SNTG2: variants seen among roughly 807,000 people sequenced by gnomAD.
SNTG2 encodes gamma-2-syntrophin.
In SNTG2, 74 loss-of-function variants were observed where a neutral mutation model predicts 70.9. That is an observed-to-expected ratio of 1.04 (90% confidence interval 0.86 to 1.27). SNTG2 has a LOEUF of 1.27. Among genes scored for constraint, SNTG2 ranks in the 50% most tolerant of loss-of-function variants. SNTG2 has a pLI of 0.00. For synonymous variants in SNTG2, 278 were observed against 273.8 expected (o/e 1.02, Z -0.15); for missense variants, 717 against 690.7 (o/e 1.04, Z -0.43).
At chr2:959,931 C>T (rs1260524754) in intron 1 of SNTG2, among the ~76,000 whole-genome samples, 1 of 152,006 alleles carries the variant, frequency 6.6e-6, no homozygotes, top group Non-Finnish European at 1.5e-5. Context: ...TATCTAGCAG[C>T]TCATAGATTT....
chr2:1,084,948 A>G (rs1664583440), intron 2 of SNTG2, among the ~76,000 whole-genome samples: 1 of 152,140 alleles, frequency 6.6e-6, no homozygotes, highest in Admixed American at 6.5e-5. Flanking sequence ...CCCCGGCACC[A>G]CTGCCCTGGG....
intron 16 of SNTG2, among the ~76,000 whole-genome samples, chr2:1,318,619 C>T (rs543877462): frequency 4.1e-4 from 63 of 152,346 alleles, no homozygotes; most frequent in African/African-American, 1.5e-3. Context: ...ATCCTGGGGT[C>T]GTCAGCCACC....
At chr2:1,060,180 G>A (rs1443500941) in intron 1 of SNTG2, among the ~76,000 whole-genome samples, 4 of 152,110 alleles carry the variant, frequency 2.6e-5, no homozygotes, top group Non-Finnish European at 4.4e-5. Context: ...TTTGATAAAT[G>A]TAATTACACT....
intron 8 of SNTG2, among the ~76,000 whole-genome samples, chr2:1,197,523 G>GTATATA (rs1553353460): frequency 2.2e-4 from 21 of 97,640 alleles, no homozygotes; most frequent in African/African-American, 6.8e-4. Flanking sequence ...ATATGTGTGT[G>GTATATA]TGTGTGTGTG....
chr2:1,027,397 T>C (rs1398510731), intron 1 of SNTG2, among the ~76,000 whole-genome samples: 1 of 150,900 alleles, frequency 6.6e-6, no homozygotes, highest in Non-Finnish European at 1.5e-5. Flanking sequence ...AACTCATGCA[T>C]CTCTGTTGAG....
chr2:1,361,345 T>TAA (rs201621896), intron 16 of SNTG2, among the ~76,000 whole-genome samples: 105,585 of 149,558 alleles, frequency 0.71, 37,378 homozygotes, highest in East Asian at 0.93. Flanking sequence ...TTGACCCATT[T>TAA]AAAAAAAAAA....
chr2:1,104,081 A>G (rs1052706564), intron 4 of SNTG2, among the ~76,000 whole-genome samples: 3 of 152,236 alleles, frequency 2.0e-5, no homozygotes, highest in South Asian at 2.1e-4. Context: ...AGATGAGGAC[A>G]CTGAGGCAAA....
chr2:1,088,514 T>C (rs918524565), intron 2 of SNTG2, among the ~76,000 whole-genome samples: 1 of 152,176 alleles, frequency 6.6e-6, no homozygotes, highest in Non-Finnish European at 1.5e-5. Flanking sequence ...AGCTCATCAG[T>C]GTAGAGCAAA....
chr2:1,118,034 G>A (rs1016278011), intron 4 of SNTG2, among the ~76,000 whole-genome samples: 1 of 141,820 alleles, frequency 7.1e-6, no homozygotes, highest in East Asian at 2.3e-4. Context: ...GCTAAAACCT[G>A]GCCCCCCAGG....
Position 1,245,270 on chromosome 2 carries a change from TA to T in SNTG2, c.889-2048del, listed in dbSNP as rs888127862. On this transcript the variant is annotated intron_variant, in intron 11 of 16. Transcript: ENST00000308624. ...TACCCTAAAACTTAAAGTATAATAA[TA>T]AAAAAAAAGGAAAAAAAAAAGAAAT... Among the ~76,000 whole-genome samples, 170 of 143,430 alleles carry T rather than the reference TA, an allele frequency of 1.2e-3. 1 individual carries two copies. The highest frequency in any genetic ancestry group is 2.7e-3 in the African/African-American group (104 of 38,704). 94.1% of individuals were successfully genotyped at this position (143,430 alleles called of 152,430 possible).
intron 4 of SNTG2, among the ~76,000 whole-genome samples, chr2:1,099,032 G>A (rs982697281): frequency 6.6e-6 from 1 of 152,218 alleles, no homozygotes. Context: ...CTATCGGGTA[G>A]ACTGTTTCTC....
At chr2:1,110,556 A>C (rs774921107) in intron 4 of SNTG2, among the ~76,000 whole-genome samples, 6 of 152,128 alleles carry the variant, frequency 3.9e-5, no homozygotes, top group Non-Finnish European at 5.9e-5. Flanking sequence ...TTCACATGGC[A>C]TAGAGAAACC....
chr2:1,325,489 G>A (rs1382385219), intron 16 of SNTG2, among the ~76,000 whole-genome samples: 1 of 152,206 alleles, frequency 6.6e-6, no homozygotes, highest in Non-Finnish European at 1.5e-5. Flanking sequence ...TCTGTTTAAT[G>A]TTGTGTTAGC....
intron 6 of SNTG2, among the ~76,000 whole-genome samples, chr2:1,145,025 T>C (rs1669007805): frequency 6.6e-6 from 1 of 152,142 alleles, no homozygotes; most frequent in Non-Finnish European, 1.5e-5. Context: ...TATTTTCAAC[T>C]AAAAATAATA....
In SNTG2 at chr2:1,049,787, A is replaced by G. The variant is rs538572965; in HGVS notation, c.73-33731A>G. Among the ~76,000 whole-genome samples, 9 of 152,336 alleles carry G rather than the reference A, an allele frequency of 5.9e-5. No individual in the cohort carries two copies. In the East Asian group the frequency reaches 1.4e-3, roughly 23 times the overall value. Reference sequence around the variant, plus strand: ...AATGAATGAGAGTTCCTGTTGCTCTACATCTTCACCGGCATTTGGTATTGT... The same window carrying G: ...AATGAATGAGAGTTCCTGTTGCTCTGCATCTTCACCGGCATTTGGTATTGT... On this transcript the variant is annotated intron_variant, in intron 1 of 16. Transcript: ENST00000308624.
rs150195957 is a variant in SNTG2, at chr2:1,020,020, G to T, written c.73-63498G>T. Among the ~76,000 whole-genome samples, 309 of 152,268 alleles carry T rather than the reference G, an allele frequency of 2.0e-3. 2 individuals carry two copies. Among genetic ancestry groups the T allele is most frequent in the Non-Finnish European group, 3.9e-3 (264 of 68,028 alleles). ...ATCGTGCCACTGCACTCCAGCTTGGGGGACAGAGCGAGACTCCATCTCAAA... is the reference window on the plus strand; with the variant it reads ...ATCGTGCCACTGCACTCCAGCTTGGTGGACAGAGCGAGACTCCATCTCAAA... On this transcript the variant is annotated intron_variant, in intron 1 of 16. Coordinates refer to ENST00000308624, the MANE Select transcript of SNTG2 (RefSeq NM_018968.4).
intron 1 of SNTG2, among the ~76,000 whole-genome samples, chr2:1,010,820 G>T (rs927479226): frequency 6.6e-6 from 1 of 152,204 alleles, no homozygotes; most frequent in Non-Finnish European, 1.5e-5. Context: ...GGGCCCAAGG[G>T]AGGGGCTCCC....
rs541985417 is a variant in SNTG2, at chr2:1,062,870, ACACT to A, written c.73-20644_73-20641del. Among the ~76,000 whole-genome samples the A allele has an allele frequency of 6.6e-5, 10 of 152,364 alleles. No individual in the cohort carries two copies. The South Asian group carries it at 1.2e-3, about 19-fold the overall frequency. ...GGAAAAAATATGTGTGTGTGCATACACACTCACAAACCCATATATATACATATAC... is the reference window on the plus strand; with the variant it reads ...GGAAAAAATATGTGTGTGTGCATACACACAAACCCATATATATACATATAC... On this transcript the variant is annotated intron_variant, in intron 1 of 16. Transcript: ENST00000308624.
Position 1,117,005 on chromosome 2 carries a change from CCTGGTGTGTGGGTGCT to C in SNTG2, c.325+18606_325+18621del, listed in dbSNP as rs1479633234. On this transcript the variant is annotated intron_variant, in intron 4 of 16. Transcript: ENST00000308624. ...TGTGGGTGCTCTGGTGTACGAGTGC[CCTGGTGTGTGGGTGCT>C]CTGGTGTGTGAGTGCCCTGGTGTGT... Among the ~76,000 whole-genome samples the C allele has an allele frequency of 9.0e-3, 1,199 of 132,788 alleles. 17 individuals are homozygous for C. Among genetic ancestry groups the C allele is most frequent in the African/African-American group, 0.033 (1,127 of 34,544 alleles). The allele number at this position is 132,788 out of a possible 152,430, so 87.1% of individuals were successfully genotyped here. A position where few individuals can be genotyped will look rare whatever the true frequency, so the allele number is the denominator to read the frequency against.
Sources: allele counts gnomAD v4.1 joint callset (sites outside exome capture counted in the v4.1 genomes callset), GRCh38; gene constraint gnomAD v4.1.1; transcripts MANE v1.5; gene names NCBI Gene and HGNC (gene_info 2026-07-23, HGNC 2026-07-21).